The following CRPPA variants were observed in gnomAD, a reference collection of about 807,000 sequenced individuals.
The protein encoded by CRPPA is D-ribitol-5-phosphate cytidylyltransferase.
In CRPPA, 43 loss-of-function variants were observed where a neutral mutation model predicts 52.0. The observed-to-expected ratio is 0.83, with a 90% CI of 0.65 to 1.07. The LOEUF is 1.07. CRPPA is among the 50% of genes least tolerant of loss of function. The pLI is 0.00. For synonymous variants in CRPPA, 250 were observed against 203.5 expected (o/e 1.23, Z -1.94); for missense variants, 629 against 551.7 (o/e 1.14, Z -1.40).
chr7:16,161,237 A>G (rs1234488706), intron 9 of CRPPA, among the ~76,000 whole-genome samples: 3 of 152,198 alleles, frequency 2.0e-5, no homozygotes, highest in Non-Finnish European at 4.4e-5. Flanking sequence ...AGGAGTGGTG[A>G]GAGAGGGTAT....
At chr7:16,281,930 C>G (rs1784329848) in intron 5 of CRPPA, among the ~76,000 whole-genome samples, 1 of 152,106 alleles carries the variant, frequency 6.6e-6, no homozygotes, top group Non-Finnish European at 1.5e-5. Flanking sequence ...ATTTCTGATA[C>G]TGACTGAGCA....
chr7:16,291,839 T>C (rs1005314072), intron 5 of CRPPA, among the ~76,000 whole-genome samples: 2 of 152,006 alleles, frequency 1.3e-5, no homozygotes, highest in East Asian at 1.9e-4. Context: ...TATGTATAAA[T>C]ACATACCAAT....
intron 9 of CRPPA, among the ~76,000 whole-genome samples, chr7:16,126,125 A>T (rs1451891808): frequency 6.6e-6 from 1 of 152,174 alleles, no homozygotes; most frequent in Non-Finnish European, 1.5e-5. Flanking sequence ...GCGGGCAGGA[A>T]TCAAGAAGCA....
intron 5 of CRPPA, among the ~76,000 whole-genome samples, chr7:16,293,942 T>C (rs967829933): frequency 6.6e-5 from 10 of 151,968 alleles, no homozygotes; most frequent in Non-Finnish European, 1.2e-4. Flanking sequence ...AACTAAATGA[T>C]AGCTTTCTTT....
At chr7:16,109,729 CA>C (rs906749763) in intron 9 of CRPPA, among the ~76,000 whole-genome samples, 47 of 151,984 alleles carry the variant, frequency 3.1e-4, no homozygotes, top group African/African-American at 8.9e-4. Context: ...CATCCAGATG[CA>C]AAAAAAGCAC....
chr7:16,237,807 T>C (rs1293938631), intron 8 of CRPPA, among the ~76,000 whole-genome samples: 1 of 152,346 alleles, frequency 6.6e-6, no homozygotes, highest in Admixed American at 6.5e-5. Context: ...ATTCCTTCAG[T>C]TTCAGACACA....
At chr7:16,385,569 G>A (rs1381668920) in intron 2 of CRPPA, among the ~76,000 whole-genome samples, 1 of 152,066 alleles carries the variant, frequency 6.6e-6, no homozygotes, top group Non-Finnish European at 1.5e-5. Flanking sequence ...CACTTCCAAA[G>A]AAACACAGAA....
At chr7:16,105,155 A>T (rs79215904) in intron 9 of CRPPA, among the ~76,000 whole-genome samples, 13,859 of 152,142 alleles carry the variant, frequency 0.091, 787 homozygotes, top group African/African-American at 0.15. Flanking sequence ...GCAAAATGGG[A>T]AGTCTTCTCC....
chr7:16,398,153 G>C (rs1787665324), intron 2 of CRPPA, among the ~76,000 whole-genome samples: 1 of 151,928 alleles, frequency 6.6e-6, no homozygotes, highest in African/African-American at 2.4e-5. Flanking sequence ...CATGACATGT[G>C]AATGACACAA....
At chr7:16,308,326 G>T (rs1784959349) in intron 4 of CRPPA, among the ~76,000 whole-genome samples, 197 bp downstream of exon 4, 1 of 152,212 alleles carries the variant, frequency 6.6e-6, no homozygotes, top group Non-Finnish European at 1.5e-5. Context: ...AGGTTAAAAT[G>T]AGATGTGTCT....
intron 3 of CRPPA, among the ~76,000 whole-genome samples, chr7:16,359,433 T>C (rs537618558): frequency 1.3e-5 from 2 of 152,348 alleles, no homozygotes; most frequent in East Asian, 3.9e-4. Flanking sequence ...TGTCAGAGCA[T>C]TGCCTGGATA....
intron 6 of CRPPA, among the ~76,000 whole-genome samples, chr7:16,273,648 G>A (rs114368585): frequency 0.013 from 1,956 of 152,060 alleles, 42 homozygotes; most frequent in African/African-American, 0.044. Flanking sequence ...GATTCCTCCC[G>A]GACACCGAAC....
intron 9 of CRPPA, among the ~76,000 whole-genome samples, chr7:16,183,212 GC>G (rs1781445246): frequency 6.6e-6 from 1 of 152,154 alleles, no homozygotes; most frequent in Admixed American, 6.5e-5. Flanking sequence ...TAAATGAAAA[GC>G]AATCCAAAGT....
At chr7:16,209,658 G>T (rs1476149221) in intron 9 of CRPPA, among the ~76,000 whole-genome samples, 3 of 152,084 alleles carry the variant, frequency 2.0e-5, no homozygotes, top group African/African-American at 7.2e-5. Context: ...CACAAAAAAA[G>T]AAAGCAAATC....
At chr7:16,240,499 A>G (rs1783074100) in intron 8 of CRPPA, among the ~76,000 whole-genome samples, 1 of 151,856 alleles carries the variant, frequency 6.6e-6, no homozygotes, top group African/African-American at 2.4e-5. Context: ...TACAGTAGCA[A>G]TAAGGTTGAG....
intron 8 of CRPPA, among the ~76,000 whole-genome samples, chr7:16,238,359 C>A (rs947532998): frequency 6.6e-6 from 1 of 151,952 alleles, no homozygotes; most frequent in South Asian, 2.1e-4. Context: ...TCATTCCCTG[C>A]CAAGTGCTAA....
chr7:16,126,248 G>A (rs1170825775), intron 9 of CRPPA, among the ~76,000 whole-genome samples: 1 of 152,104 alleles, frequency 6.6e-6, no homozygotes, highest in Non-Finnish European at 1.5e-5. Flanking sequence ...CAACAAGTAT[G>A]TTTATCTACT....
chr7:16,269,492 A>C (rs1296622289), intron 6 of CRPPA: 1 of 152,170 alleles, frequency 6.6e-6, no homozygotes, highest in African/African-American at 2.4e-5. Flanking sequence ...TGTAGACTGC[A>C]GAAGATCTTC....
rs745928582 is a variant in CRPPA at position 16,376,073 on chromosome 7, A to G, written c.684+19T>C. On this transcript the variant is annotated intron_variant, in intron 3 of 9. Coordinates refer to ENST00000407010, the MANE Select transcript of CRPPA (RefSeq NM_001101426.4). Reference sequence around the variant, plus strand: ...AACCTGACATAACAGCAGCTTATTCAAAAAGCCCAAATTCTTACCTGCTGA... The same window carrying G: ...AACCTGACATAACAGCAGCTTATTCGAAAAGCCCAAATTCTTACCTGCTGA... 2 of 1,552,130 alleles carry G rather than the reference A, an allele frequency of 1.3e-6. No individual in the cohort carries two copies. Among genetic ancestry groups the G allele is most frequent in the Non-Finnish European group, 1.7e-6 (2 of 1,149,310 alleles).
Sources: gnomAD v4.1 joint callset for allele counts (sites outside exome capture counted in the v4.1 genomes callset) on GRCh38, gnomAD v4.1.1 for gene constraint, MANE v1.5 for transcripts, NCBI Gene and HGNC (gene_info 2026-07-23, HGNC 2026-07-21) for gene names.